Variants in GAA observed in about 807,000 individuals in gnomAD.
GAA encodes the protein lysosomal alpha-glucosidase.
In GAA, 88 loss-of-function variants were observed where a neutral mutation model predicts 103.9. The ratio of observed to expected loss-of-function variants is 0.85; its 90% CI spans 0.71 to 1.01. The LOEUF is 1.01. GAA is among the 50% of genes least tolerant of loss of function. The pLI, the probability that GAA is intolerant of heterozygous loss-of-function variation, is 0.00. For missense variants in GAA, 1,350 were observed against 1,305.3 expected, an observed-to-expected ratio of 1.03 and a Z score of -0.53; for synonymous variants, 572 against 563.1, an observed-to-expected ratio of 1.02 and a Z score of -0.22.
At chr17:80,111,365 C>T (rs1437891252) in intron 11 of GAA, among the ~76,000 whole-genome samples, 3 of 152,308 alleles carry the variant, frequency 2.0e-5, no homozygotes, top group African/African-American at 2.4e-5. Context: ...AACTCGAATG[C>T]AGCACGGGCA....
chr17:80,105,217 G>A, intron 2 of GAA, 85 bp downstream of exon 2: 1 of 1,338,912 alleles, frequency 7.5e-7, no homozygotes, highest in Non-Finnish European at 1.0e-6. Context: ...AGGGTGGGGT[G>A]CATGTTGCAC....
At chr17:80,113,493 A>G (rs2039296004) in intron 15 of GAA, 127 bp downstream of exon 15, 2 of 880,904 alleles carry the variant, frequency 2.3e-6, no homozygotes, top group South Asian at 1.9e-5. Flanking sequence ...TGAGTGAGAC[A>G]ACATTTGGGC....
chr17:80,117,192 C>T (rs1204840223), intron 16 of GAA, 83 bp downstream of exon 16: 7 of 1,474,130 alleles, frequency 4.7e-6, no homozygotes, highest in African/African-American at 2.8e-5. Flanking sequence ...GTTGGTGTGA[C>T]CAGGTGGCGG....
At chr17:80,105,620 G>A in intron 2 of GAA, 129 bp from the exon 3 acceptor site, 2 of 1,135,550 alleles carry the variant, frequency 1.8e-6, no homozygotes, top group Admixed American at 1.8e-5. Context: ...CAGAGAGGCT[G>A]AATGTGCTGC....
At position 80,118,647 on chromosome 17, in the gene GAA, GC is replaced by G; in HGVS notation, c.2647-3del. On this transcript the variant is annotated splice_polypyrimidine_tract_variant and splice_region_variant and intron_variant, in intron 18 of 19. Transcript: ENST00000302262. ...CTGCCTTTTCATCTCTCTCTGCTCG[GC>G]CCAGAACACGATCGTGAATGAGCTG... The G allele has an allele frequency of 6.2e-7, 1 of 1,611,794 alleles. No homozygotes were observed. The highest frequency in any genetic ancestry group is 1.1e-5 in the South Asian group (1 of 91,086).
intron 9 of GAA, 139 bp from the exon 10 acceptor site, chr17:80,110,588 G>A: frequency 1.5e-6 from 1 of 689,178 alleles, no homozygotes; most frequent in Non-Finnish European, 2.6e-6. Flanking sequence ...GACCTCCAGG[G>A]TGCAGGTCTC....
chr17:80,110,631 T>A, intron 9 of GAA, 96 bp from the exon 10 acceptor site: 1 of 1,038,636 alleles, frequency 9.6e-7, no homozygotes, highest in East Asian at 2.5e-5. Flanking sequence ...CCACTAAGAG[T>A]GAGGCTGCCC....
At chr17:80,108,114 T>C (rs1472689514) in intron 5 of GAA, among the ~76,000 whole-genome samples, 176 bp from the exon 6 acceptor site, 1 of 152,150 alleles carries the variant, frequency 6.6e-6, no homozygotes, top group Non-Finnish European at 1.5e-5. Context: ...CCACATATCT[T>C]TCCGTCCCAT....
intron 2 of GAA, 94 bp downstream of exon 2, chr17:80,105,226 A>ACC: frequency 1.6e-6 from 2 of 1,269,734 alleles, no homozygotes; most frequent in Non-Finnish European, 2.2e-6. Context: ...TGCATGTTGC[A>ACC]CCACTGTGTG....
intron 2 of GAA, 142 bp from the exon 3 acceptor site, chr17:80,105,607 G>C: frequency 1.0e-6 from 1 of 995,908 alleles, no homozygotes; most frequent in Non-Finnish European, 1.5e-6. Context: ...GGGAGCCGAG[G>C]CTCAGAGAGG....
rs886043068 is a variant in GAA, at chr17:80,110,028, C to T, written c.1410C>T (p.Asn470=). 36 of 1,613,076 alleles carry T rather than the reference C, an allele frequency of 2.2e-5. No homozygotes were observed. Among genetic ancestry groups the T allele is most frequent in the East Asian group, 8.9e-5 (4 of 44,892 alleles). Residue 470 remains asparagine (N), a synonymous_variant, in exon 9 of 20, where the codon AAC becomes AAT. Transcript: ENST00000302262. ...EGLRRGVFIT[N]ETGQPLIGKV... ...TGCGGAGGGGGGTTTTCATCACCAA[C>T]GAGACCGGCCAGCCGCTGATTGGGA...
Position 80,105,804 on chromosome 17 carries a change from A to G in GAA, c.602A>G (p.His201Arg). The change falls in exon 3 of 20, where the codon CAC becomes CGC. Residue 201 changes from histidine (H) to arginine (R), a missense_variant. Coordinates refer to ENST00000302262, the MANE Select transcript of GAA (RefSeq NM_000152.5). ...YEVPLETPHVHSRAPSPLYSV... is the reference protein window; with the variant it reads ...YEVPLETPHVRSRAPSPLYSV... ...GTGCCCTTGGAGACCCCGCATGTCC[A>G]CAGCCGGGCACCGTCCCCACTCTAC... 1 of 1,611,176 alleles carries G rather than the reference A, an allele frequency of 6.2e-7. No individual in the cohort carries two copies.
At chr17:80,112,150 A>G (rs1393534989) in intron 12 of GAA, 50 bp downstream of exon 12, 16 of 1,558,562 alleles carry the variant, frequency 1.0e-5, no homozygotes, top group Non-Finnish European at 1.4e-5. Context: ...AGCCTGTCCT[A>G]CAAGGTTGGG....
Position 80,108,589 on chromosome 17 carries a change from C to T in GAA, c.1176C>T (p.Thr392=), listed in dbSNP as rs2143855934. ...AITRQVVENM[T]RAHFPLDVQW... The stretch of plus-strand genomic sequence containing the variant: ...CCCGCCAGGTGGTGGAGAACATGAC[C>T]AGGGCCCACTTCCCCCTGGTGAGTT... The change falls in exon 7 of 20, where the codon ACC becomes ACT. Residue 392 remains threonine, a synonymous_variant. Transcript: ENST00000302262. 1.2e-6 allele frequency: 2 copies of T among 1,612,852 alleles called. No individual in the cohort carries two copies. Among genetic ancestry groups the T allele is most frequent in the Non-Finnish European group, 1.7e-6 (2 of 1,179,902 alleles).
chr17:80,116,449 A>G (rs578261128), intron 15 of GAA, among the ~76,000 whole-genome samples: 16 of 152,352 alleles, frequency 1.1e-4, no homozygotes, highest in Non-Finnish European at 1.9e-4. Context: ...GGCAGGAAAC[A>G]GGACAGGGCA....
chr17:80,108,155 G>A, intron 5 of GAA, 135 bp from the exon 6 acceptor site: 5 of 1,495,774 alleles, frequency 3.3e-6, no homozygotes, highest in East Asian at 2.3e-5. Flanking sequence ...GGCTTAGCAC[G>A]GCTTCCCCAG....
rs140826989 is a variant in GAA at position 80,110,837 on chromosome 17, G to A, written c.1548G>A (p.Trp516Ter). The stretch of plus-strand genomic sequence containing the variant: ...ACCAGGTGCCCTTCGACGGCATGTG[G>A]ATTGTAAGTGTGGCCCCCTCCTGAG... ...FHDQVPFDGM[W>*]IDMNEPSNFI... Residue 516 changes from tryptophan to a stop codon, truncating the protein, a stop_gained, in exon 10 of 20, where the codon TGG (tryptophan) becomes TGA (stop). Transcript: ENST00000302262. LOFTEE classifies it high-confidence loss of function. 80 of 1,614,006 alleles carry A rather than the reference G, an allele frequency of 5.0e-5. No individual in the cohort carries two copies. Among genetic ancestry groups the A allele is most frequent in the Non-Finnish European group, 6.5e-5 (77 of 1,180,006 alleles).
rs72850846 is a variant in GAA, at chr17:80,114,567, C to A, written c.2189+1201C>A. On this transcript the variant is annotated intron_variant, in intron 15 of 19. Transcript: ENST00000302262. Reference sequence around the variant, plus strand: ...TTCCATTGCCTCTCGTTCCTCTGTGCTGTTACACGTCTGTATCCATGATGA... The same window carrying A: ...TTCCATTGCCTCTCGTTCCTCTGTGATGTTACACGTCTGTATCCATGATGA... Among the ~76,000 whole-genome samples, 6,636 of 152,166 alleles carry A rather than the reference C, an allele frequency of 0.044. 302 individuals are homozygous for A. The highest frequency in any genetic ancestry group is 0.24 in the East Asian group (1,236 of 5,166).
Position 80,104,745 on chromosome 17 carries a change from C to T in GAA, c.159C>T (p.His53=), listed in dbSNP as rs2143825464. The T allele has an allele frequency of 1.2e-6, 2 of 1,611,324 alleles. No homozygotes were observed. The highest frequency in any genetic ancestry group is 1.1e-5 in the South Asian group (1 of 90,822). ...CCTCCCCAGTCCTGGAGGAGACTCA[C>T]CCAGCTCACCAGCAGGGAGCCAGCA... ...SGSSPVLEET[H]PAHQQGASRP... The change falls in exon 2 of 20, where the codon CAC becomes CAT. Residue 53 remains histidine (H), a synonymous_variant. Transcript: ENST00000302262. The surrounding 1 kb of genome is among the most constrained non-coding windows in gnomAD (Gnocchi z 4.0).
Sources: gnomAD v4.1 joint callset for allele counts (sites outside exome capture counted in the v4.1 genomes callset) on GRCh38, gnomAD v4.1.1 for gene constraint, Gnocchi (gnomAD v3.1) non-coding constraint, MANE v1.5 for transcripts, NCBI Gene and HGNC (gene_info 2026-07-23, HGNC 2026-07-21) for gene names.